Variants in LARGE1 observed in about 807,000 individuals in gnomAD.
The protein encoded by LARGE1 is xylosyl- and glucuronyltransferase LARGE1.
A neutral mutation model predicts 87.6 loss-of-function variants in LARGE1; 43 were observed. That is an observed-to-expected ratio of 0.49 (90% CI 0.38 to 0.63). The LOEUF (loss-of-function observed/expected upper bound fraction) is 0.63, where lower values mean the gene tolerates loss of function less well. LARGE1 is among the 30% of genes least tolerant of loss of function. The pLI, the probability that LARGE1 is intolerant of heterozygous loss-of-function variation, is 0.00. For missense variants in LARGE1, 802 were observed against 1,000.2 expected, an observed-to-expected ratio of 0.80 and a Z score of 2.67; for synonymous variants, 434 against 394.6, an observed-to-expected ratio of 1.10 and a Z score of -1.18.
At chr22:33,520,056 G>A (rs549346978) in intron 6 of LARGE1, among the ~76,000 whole-genome samples, 45 of 144,064 alleles carry the variant, frequency 3.1e-4, no homozygotes, top group African/African-American at 1.1e-3. Flanking sequence ...CCAGGCTGGA[G>A]TGCGGTGGTG....
At chr22:33,413,022 T>C (rs2066363239) in intron 7 of LARGE1, among the ~76,000 whole-genome samples, 2 of 152,228 alleles carry the variant, frequency 1.3e-5, no homozygotes, top group African/African-American at 4.8e-5. Flanking sequence ...AATTTAACAA[T>C]AGGCTTTCAC....
intron 6 of LARGE1, among the ~76,000 whole-genome samples, chr22:33,529,253 T>C (rs1415694256): frequency 6.6e-6 from 1 of 152,184 alleles, no homozygotes; most frequent in African/African-American, 2.4e-5. Flanking sequence ...TGATGGCCCC[T>C]TGCCTTGGCA....
chr22:33,844,098 C>T (rs1601756028), intron 1 of LARGE1, among the ~76,000 whole-genome samples: 3 of 143,956 alleles, frequency 2.1e-5, no homozygotes, highest in African/African-American at 7.5e-5. Flanking sequence ...AAAAAAAAGA[C>T]AAGAAAAAAC....
downstream of LARGE1, among the ~76,000 whole-genome samples, chr22:33,159,597 T>G (rs1040039942): frequency 1.3e-5 from 2 of 151,692 alleles, no homozygotes; most frequent in African/African-American, 4.8e-5. Flanking sequence ...TTTTTTTTTT[T>G]TTTTGGAGAT....
the LARGE1 span, among the ~76,000 whole-genome samples, chr22:33,156,491 G>A: frequency 1.3e-5 from 2 of 152,158 alleles, no homozygotes; most frequent in African/African-American, 4.8e-5. Flanking sequence ...TTTCTGACTT[G>A]CTTGGTGCCT....
intron 1 of LARGE1, among the ~76,000 whole-genome samples, chr22:33,785,006 T>C (rs1311648093): frequency 6.6e-6 from 1 of 150,760 alleles, no homozygotes; most frequent in Non-Finnish European, 1.5e-5. Flanking sequence ...TATATACATA[T>C]ATGTGTATAC....
chr22:33,308,278 G>C (rs569458049), intron 11 of LARGE1, among the ~76,000 whole-genome samples: 3 of 152,236 alleles, frequency 2.0e-5, no homozygotes, highest in African/African-American at 7.2e-5. Context: ...CTGGGATGGG[G>C]AACTCACACC....
intron 2 of LARGE1, among the ~76,000 whole-genome samples, chr22:33,709,979 G>GAA (rs5845106): frequency 1.0e-4 from 9 of 88,782 alleles, no homozygotes; most frequent in Non-Finnish European, 1.6e-4. Flanking sequence ...TTGCTAGGCA[G>GAA]AAAAAAAAAA....
At chr22:33,798,286 G>C (rs1311846646) in intron 1 of LARGE1, among the ~76,000 whole-genome samples, 1 of 143,572 alleles carries the variant, frequency 7.0e-6, no homozygotes, top group Admixed American at 6.9e-5. Flanking sequence ...GCGAAACTCT[G>C]TCTCTCAATC....
intron 11 of LARGE1, among the ~76,000 whole-genome samples, chr22:33,187,782 G>A (rs1923556789): frequency 6.6e-6 from 1 of 151,408 alleles, no homozygotes; most frequent in South Asian, 2.1e-4. Context: ...AAATTAGCCG[G>A]GCATGGTGGC....
At chr22:33,739,442 G>C (rs2083791916) in intron 2 of LARGE1, among the ~76,000 whole-genome samples, 1 of 152,218 alleles carries the variant, frequency 6.6e-6, no homozygotes, top group Non-Finnish European at 1.5e-5. Context: ...AAAACCTACA[G>C]CTTTCAGCTG....
At chr22:33,202,509 T>G (rs1924450258) in intron 11 of LARGE1, among the ~76,000 whole-genome samples, 1 of 152,260 alleles carries the variant, frequency 6.6e-6, no homozygotes, top group Admixed American at 6.5e-5. Flanking sequence ...GAAATTATGT[T>G]TTATGCCAGG....
At chr22:33,778,720 G>A (rs1022475867) in intron 1 of LARGE1, among the ~76,000 whole-genome samples, 5 of 151,942 alleles carry the variant, frequency 3.3e-5, no homozygotes, top group African/African-American at 7.3e-5. Flanking sequence ...GCGCAATCTC[G>A]GCTCACTGCA....
intron 6 of LARGE1, among the ~76,000 whole-genome samples, chr22:33,441,297 C>G (rs1460647565): frequency 1.3e-5 from 2 of 152,092 alleles, no homozygotes; most frequent in African/African-American, 4.8e-5. Flanking sequence ...TAGTCTCGAA[C>G]TCCTGACCTC....
At chr22:33,559,577 C>G (rs907704390) in intron 6 of LARGE1, among the ~76,000 whole-genome samples, 13 of 152,190 alleles carry the variant, frequency 8.5e-5, no homozygotes, top group Admixed American at 2.6e-4. Context: ...ATACAGCTGT[C>G]ATGAGGTAAT....
chr22:33,303,423 C>T (rs1602319304), intron 12 of LARGE1, among the ~76,000 whole-genome samples: 2 of 152,270 alleles, frequency 1.3e-5, no homozygotes, highest in Middle Eastern at 6.8e-3. Flanking sequence ...ATACTACCCA[C>T]GGCAGGGACT....
chr22:33,447,091 A>G (rs2067713744), intron 6 of LARGE1, among the ~76,000 whole-genome samples: 1 of 152,166 alleles, frequency 6.6e-6, no homozygotes, highest in Admixed American at 6.5e-5. Flanking sequence ...ACAGGGTTTC[A>G]CCATGGTGGC....
intron 1 of LARGE1, among the ~76,000 whole-genome samples, chr22:33,822,646 C>T (rs1021292376): frequency 6.6e-6 from 1 of 151,990 alleles, no homozygotes; most frequent in African/African-American, 2.4e-5. Context: ...TGCAGTGAGC[C>T]GAGATCACGC....
At chr22:33,798,381 A>C (rs1005398214) in intron 1 of LARGE1, among the ~76,000 whole-genome samples, 5 of 152,214 alleles carry the variant, frequency 3.3e-5, no homozygotes, top group Non-Finnish European at 7.3e-5. Context: ...GGTATTACAC[A>C]CATGCACATA....
Sources: allele counts gnomAD v4.1 joint callset (sites outside exome capture counted in the v4.1 genomes callset), GRCh38; gene constraint gnomAD v4.1.1; transcripts MANE v1.5; gene names NCBI Gene and HGNC (gene_info 2026-07-23, HGNC 2026-07-21).